Variants in HSPBP1 observed in about 807,000 individuals in gnomAD.
HSPBP1 encodes HSPA (Hsp70) binding protein 1, also known as hsp70-binding protein 1.
A neutral mutation model predicts 41.7 loss-of-function variants in HSPBP1; 31 were observed. The ratio of observed to expected loss-of-function variants is 0.74; its 90% CI spans 0.56 to 1.00. The LOEUF (loss-of-function observed/expected upper bound fraction) is 1.00. Ranked by LOEUF, HSPBP1 falls within the 50% of genes least tolerant of loss-of-function variation. HSPBP1 has a pLI of 0.00. For synonymous variants in HSPBP1, 199 were observed against 214.4 expected, an observed-to-expected ratio of 0.93 and a Z score of 0.63; for missense variants, 439 against 487.9, an observed-to-expected ratio of 0.90 and a Z score of 0.94.
In HSPBP1 at chr19:55,274,345, G is replaced by GC. The variant is rs759957756; in HGVS notation, c.640+52dup. ...CCAGCAGATCCCGGGGGCCCACCCGGCACCCCCCCCCACCGCCAGCACCCC... is the reference window on the plus strand; with the variant it reads ...CCAGCAGATCCCGGGGGCCCACCCGGCCACCCCCCCCCACCGCCAGCACCCC... On this transcript the variant is annotated intron_variant, in intron 4 of 7. Transcript: ENST00000433386. 1.8e-3 allele frequency: 1,004 copies of GC among 552,804 alleles called. 1 individual carries two copies. The highest frequency in any genetic ancestry group is 5.0e-3 in the African/African-American group (198 of 39,524). The allele number at this position is 552,804 out of a possible 1,614,324, so 34.2% of individuals were successfully genotyped here.
chr19:55,265,086 C>G (rs917758626), intron 7 of HSPBP1, among the ~76,000 whole-genome samples, 192 bp downstream of exon 7: 8 of 151,192 alleles, frequency 5.3e-5, no homozygotes, highest in African/African-American at 1.7e-4. Flanking sequence ...ATCCCCTGCC[C>G]CTCACACCTA....
At chr19:55,277,923 G>T in intron 2 of HSPBP1, 77 bp from the exon 3 acceptor site, 1 of 1,193,168 alleles carries the variant, frequency 8.4e-7, no homozygotes. Context: ...AATAAAGACA[G>T]CCAACAACTG....
Sources: allele counts gnomAD v4.1 joint callset (sites outside exome capture counted in the v4.1 genomes callset), GRCh38; gene constraint gnomAD v4.1.1; transcripts MANE v1.5; gene names NCBI Gene and HGNC (gene_info 2026-07-23, HGNC 2026-07-21).